Variants in IFT52 observed in about 807,000 individuals in gnomAD.
IFT52 encodes the protein intraflagellar transport 52.
A neutral mutation model predicts 54.4 loss-of-function variants in IFT52; 44 were observed. The ratio of observed to expected loss-of-function variants is 0.81; its 90% CI spans 0.63 to 1.04. The LOEUF (loss-of-function observed/expected upper bound fraction) is 1.04, where lower values mean the gene tolerates loss of function less well. IFT52 is among the 50% of genes least tolerant of loss of function. The pLI is 0.00. For missense variants in IFT52, 452 were observed against 523.6 expected (o/e 0.86, Z 1.33); for synonymous variants, 181 against 185.3 (o/e 0.98, Z 0.19).
intron 9 of IFT52, among the ~76,000 whole-genome samples, chr20:43,621,962 T>G (rs1490547877): frequency 5.9e-5 from 9 of 152,256 alleles, no homozygotes. Context: ...ATGAGGAAAC[T>G]GAAATCCTTC....
At chr20:43,610,806 T>C (rs1356167631) in intron 6 of IFT52, among the ~76,000 whole-genome samples, 1 of 152,164 alleles carries the variant, frequency 6.6e-6, no homozygotes, top group East Asian at 1.9e-4. Context: ...ATCCAACTGG[T>C]ATAGGTAAAA....
chr20:43,598,511 A>G (rs892947502), intron 3 of IFT52, among the ~76,000 whole-genome samples: 5 of 152,140 alleles, frequency 3.3e-5, no homozygotes, highest in Admixed American at 3.3e-4. Flanking sequence ...CTTGGCCAAC[A>G]TGGTGAAACC....
chr20:43,646,910 A>T (rs1279918656), intron 13 of IFT52, 26 bp from the exon 14 acceptor site: 1 of 1,599,918 alleles, frequency 6.3e-7, no homozygotes, highest in South Asian at 1.1e-5. Flanking sequence ...AAATACTAAA[A>T]TTCTGTGTCT....
chr20:43,644,105 T>C (rs1986086724), intron 13 of IFT52, among the ~76,000 whole-genome samples: 1 of 55,096 alleles, frequency 1.8e-5, no homozygotes, highest in African/African-American at 5.3e-5. Flanking sequence ...AGACTCTGTC[T>C]CAAAAAAAAA....
chr20:43,595,659 G>A (rs1231049826), intron 2 of IFT52, among the ~76,000 whole-genome samples: 1 of 152,156 alleles, frequency 6.6e-6, no homozygotes, highest in Non-Finnish European at 1.5e-5. Flanking sequence ...GCTGAAGCAG[G>A]CAGATCACTA....
At chr20:43,625,054 A>G (rs1178260996) in intron 10 of IFT52, among the ~76,000 whole-genome samples, 5 of 152,146 alleles carry the variant, frequency 3.3e-5, no homozygotes, top group Non-Finnish European at 7.3e-5. Context: ...AGGGACCTCA[A>G]TAATGAAAAT....
rs778825696 is a variant in IFT52 at position 43,613,945 on chromosome 20, A to T, written c.581A>T (p.Asn194Ile). 1 of 1,613,870 alleles carries T rather than the reference A, an allele frequency of 6.2e-7. No individual in the cohort carries two copies. The highest frequency in any genetic ancestry group is 8.5e-7 in the Non-Finnish European group (1 of 1,179,784). ...LSTGSVCFPLNRPILAFYHSK... is the reference protein window; with the variant it reads ...LSTGSVCFPLIRPILAFYHSK... ...ACAGGTTCTGTCTGCTTCCCACTTA[A>T]CAGACCCATTTTGGCTTTCTATCAC... The change falls in exon 7 of 14, where the codon AAC becomes ATC. Residue 194 changes from asparagine (N) to isoleucine (I), a missense_variant. By Grantham distance (149) the Asn-to-Ile change is moderately radical. Coordinates refer to ENST00000373030, the MANE Select transcript of IFT52 (RefSeq NM_016004.5).
At chr20:43,592,510 G>A (rs1235171309) in intron 1 of IFT52, among the ~76,000 whole-genome samples, 1 of 151,810 alleles carries the variant, frequency 6.6e-6, no homozygotes, top group African/African-American at 2.4e-5. Flanking sequence ...GGAGGCAGAG[G>A]TTGTGGTGAG....
chr20:43,604,839 G>C (rs184846392), intron 5 of IFT52, among the ~76,000 whole-genome samples, 163 bp from the exon 6 acceptor site: 72 of 151,968 alleles, frequency 4.7e-4, no homozygotes, highest in Non-Finnish European at 8.2e-4. Context: ...TTGCTCTGTT[G>C]CTCAGGCTGG....
chr20:43,623,022 C>T (rs1168600849), intron 9 of IFT52, among the ~76,000 whole-genome samples: 1 of 151,882 alleles, frequency 6.6e-6, no homozygotes, highest in Admixed American at 6.6e-5. Flanking sequence ...GTACTGGTGT[C>T]ACAGGTGCTC....
intron 9 of IFT52, among the ~76,000 whole-genome samples, chr20:43,622,558 A>C (rs1311372344): frequency 6.6e-6 from 1 of 151,396 alleles, no homozygotes; most frequent in Admixed American, 6.6e-5. Flanking sequence ...AGCCAAGAGC[A>C]TGCCACTGCA....
chr20:43,647,057 T>G lies in IFT52; in HGVS notation c.*74T>G. The G allele has an allele frequency of 7.5e-7, 1 of 1,331,670 alleles. No homozygotes were observed. The highest frequency in any genetic ancestry group is 1.1e-6 in the Non-Finnish European group (1 of 924,386). 82.5% of individuals were successfully genotyped at this position (1,331,670 alleles called of 1,614,324 possible). ...AACTATTTTCAAATTGTTTTTCAAC[T>G]CCTTATCAAAATTGTTTATACACTC... On this transcript the variant is annotated 3_prime_UTR_variant, in exon 14 of 14. Coordinates refer to ENST00000373030, the MANE Select transcript of IFT52 (RefSeq NM_016004.5).
intron 3 of IFT52, among the ~76,000 whole-genome samples, chr20:43,602,818 A>AT (rs1260176344): frequency 6.6e-6 from 1 of 152,064 alleles, no homozygotes; most frequent in Admixed American, 6.6e-5. Context: ...GGAGAGGAAA[A>AT]TTCAGGGAGC....
At chr20:43,641,340 C>T (rs1236958430) in intron 12 of IFT52, among the ~76,000 whole-genome samples, 3 of 152,080 alleles carry the variant, frequency 2.0e-5, no homozygotes, top group Non-Finnish European at 4.4e-5. Flanking sequence ...CGGGTTCAAG[C>T]GATTCTCCTG....
intron 7 of IFT52, among the ~76,000 whole-genome samples, chr20:43,618,708 T>A (rs1037515516): frequency 6.6e-6 from 1 of 151,926 alleles, no homozygotes; most frequent in Non-Finnish European, 1.5e-5. Flanking sequence ...GGTTTTGAAC[T>A]CTCAACCTCA....
intron 6 of IFT52, among the ~76,000 whole-genome samples, chr20:43,610,184 C>T (rs184150736): frequency 7.1e-4 from 104 of 147,458 alleles, no homozygotes; most frequent in South Asian, 2.2e-4. Context: ...CCCAGTTACT[C>T]GGGAGGCTGA....
At chr20:43,630,427 C>A (rs1985077904) in intron 10 of IFT52, among the ~76,000 whole-genome samples, 1 of 152,158 alleles carries the variant, frequency 6.6e-6, no homozygotes, top group Non-Finnish European at 1.5e-5. Context: ...GTCTTACATA[C>A]CACAGCAGAG....
intron 13 of IFT52, 36 bp downstream of exon 13, chr20:43,642,660 C>T: frequency 6.2e-7 from 1 of 1,601,434 alleles, no homozygotes; most frequent in South Asian, 1.1e-5. Flanking sequence ...AGTGGGAGCC[C>T]CTCCAGTACT....
Position 43,647,176 on chromosome 20 carries a change from A to G in IFT52, c.*193A>G. On this transcript the variant is annotated 3_prime_UTR_variant, in exon 14 of 14. Coordinates refer to ENST00000373030, the MANE Select transcript of IFT52 (RefSeq NM_016004.5). ...AAAATCCTTATGTAAGATACATTCC[A>G]TTTTTAAAAATTAAATGTATGGTTG... 5.2e-6 allele frequency: 3 copies of G among 576,120 alleles called. No individual in the cohort carries two copies. In the South Asian group the frequency reaches 7.1e-5, roughly 14 times the overall value. 35.7% of individuals were successfully genotyped at this position (576,120 alleles called of 1,614,324 possible). A position where few individuals can be genotyped will look rare whatever the true frequency, so the allele number is the denominator to read the frequency against.
Sources: gnomAD v4.1 joint callset for allele counts (sites outside exome capture counted in the v4.1 genomes callset) on GRCh38, gnomAD v4.1.1 for gene constraint, MANE v1.5 for transcripts, NCBI Gene and HGNC (gene_info 2026-07-23, HGNC 2026-07-21) for gene names.